The following SLC44A5 variants were observed in gnomAD, a reference collection of about 807,000 sequenced individuals.
SLC44A5 encodes the protein choline transporter-like protein 5.
Under a neutral mutation model 101.8 loss-of-function variants are expected in SLC44A5, and 57 were observed. That is an observed-to-expected ratio of 0.56 (90% CI 0.45 to 0.70). The LOEUF (loss-of-function observed/expected upper bound fraction) is 0.70. SLC44A5 is among the 30% of genes least tolerant of loss of function. The pLI is 0.00. For synonymous variants in SLC44A5, 281 were observed against 290.9 expected (o/e 0.97, Z 0.35); for missense variants, 737 against 853.1 (o/e 0.86, Z 1.70).
At chr1:75,711,982 A>G in the SLC44A5 span, among the ~76,000 whole-genome samples, 15 of 152,174 alleles carry the variant, frequency 9.9e-5, no homozygotes, top group Non-Finnish European at 1.5e-4. Context: ...CTAGTTCTGG[A>G]TTATGCTCTA....
the SLC44A5 span, among the ~76,000 whole-genome samples, chr1:75,645,349 GT>G: frequency 1.3e-5 from 2 of 152,072 alleles, no homozygotes; most frequent in African/African-American, 4.8e-5. Context: ...TCTCATTGTG[GT>G]TTTGATTTGC....
intron 1 of SLC44A5, among the ~76,000 whole-genome samples, chr1:75,608,414 T>C (rs1675453035): frequency 6.6e-6 from 1 of 151,834 alleles, no homozygotes; most frequent in Admixed American, 6.6e-5. Flanking sequence ...TAAAGAGTTA[T>C]TGCAAAAGAT....
chr1:75,213,751 A>T lies in SLC44A5; in HGVS notation c.1916T>A (p.Ile639Asn). ...FLFFTQRLPV[I>N]AQGPASLNYY... ...ATTTAAAGATGCTGGTCCTTGTGCA[A>T]TCACTGGCAGTCTTTGTGTGAAGAA... The change falls in exon 22 of 24, where the codon ATT (isoleucine) becomes AAT (asparagine). Residue 639 changes from isoleucine to asparagine, a missense_variant. By Grantham distance (149) the Ile-to-Asn change is moderately radical (BLOSUM62 -3). This residue lies in a region of SLC44A5 where 665 missense variants were observed against 764.4 expected (regional missense o/e 0.87). Coordinates refer to ENST00000370859, the MANE Select transcript of SLC44A5 (RefSeq NM_001130058.2). 1 of 1,613,234 alleles carries T rather than the reference A, an allele frequency of 6.2e-7. No individual in the cohort carries two copies. The highest frequency in any genetic ancestry group is 1.3e-5 in the African/African-American group (1 of 74,988).
chr1:75,659,493 G>GAAGGAAGGAAGGAAGA, the SLC44A5 span, among the ~76,000 whole-genome samples: 403 of 108,968 alleles, frequency 3.7e-3, 16 homozygotes, highest in East Asian at 0.017. Context: ...AGGAAGGAAG[G>GAAGGAAGGAAGGAAGA]CAGGCAGGCA....
At chr1:75,647,431 A>G in the SLC44A5 span, among the ~76,000 whole-genome samples, 4 of 152,200 alleles carry the variant, frequency 2.6e-5, no homozygotes, top group South Asian at 4.1e-4. Flanking sequence ...CAGAGCCCCA[A>G]TATAGAGTCC....
intron 2 of SLC44A5, among the ~76,000 whole-genome samples, chr1:75,526,203 C>A (rs1438052129): frequency 6.6e-6 from 1 of 152,208 alleles, no homozygotes; most frequent in Admixed American, 6.5e-5. Flanking sequence ...GTCCCCTCCA[C>A]CACAGACAGT....
chr1:75,720,754 G>A, the SLC44A5 span, among the ~76,000 whole-genome samples: 1 of 150,296 alleles, frequency 6.7e-6, no homozygotes, highest in Non-Finnish European at 1.5e-5. Context: ...TGGGGTGCAG[G>A]TTGGTTTTAT....
chr1:75,641,613 T>C, the SLC44A5 span: 1 of 1,501,624 alleles, frequency 6.7e-7, no homozygotes, highest in Non-Finnish European at 9.3e-7. Context: ...TTGGGATTAT[T>C]TGGGTCACGG....
intron 4 of SLC44A5, among the ~76,000 whole-genome samples, chr1:75,315,572 C>T (rs942013875): frequency 6.6e-6 from 1 of 152,132 alleles, no homozygotes; most frequent in Non-Finnish European, 1.5e-5. Flanking sequence ...TCCTTGTGGA[C>T]TGTTCTGTCT....
At chr1:75,325,761 T>C (rs1570680796) in intron 4 of SLC44A5, among the ~76,000 whole-genome samples, 1 of 1,370 alleles carries the variant, frequency 7.3e-4, no homozygotes, top group South Asian at 8.9e-3. Flanking sequence ...CATGCATGCG[T>C]GTGTGTGTGT....
chr1:75,289,498 A>T (rs1222107579), intron 5 of SLC44A5, among the ~76,000 whole-genome samples: 2 of 152,178 alleles, frequency 1.3e-5, no homozygotes, highest in African/African-American at 4.8e-5. Flanking sequence ...GCCCAGAAGT[A>T]CTCCATTCCC....
intron 4 of SLC44A5, among the ~76,000 whole-genome samples, chr1:75,313,463 A>C (rs1655458634): frequency 6.6e-6 from 1 of 152,202 alleles, no homozygotes; most frequent in South Asian, 2.1e-4. Context: ...TCTGCTGTGA[A>C]TGTAGTTAGC....
At chr1:75,246,425 T>C (rs1649112706) in intron 7 of SLC44A5, among the ~76,000 whole-genome samples, 2 of 152,122 alleles carry the variant, frequency 1.3e-5, no homozygotes, top group Admixed American at 6.6e-5. Flanking sequence ...ATTCATTTAA[T>C]AAATATTTAC....
intron 3 of SLC44A5, among the ~76,000 whole-genome samples, chr1:75,356,052 AAAATACAG>A (rs1278864467): frequency 6.6e-6 from 1 of 151,734 alleles, no homozygotes; most frequent in African/African-American, 2.4e-5. Flanking sequence ...TCTCTACAAA[AAAATACAG>A]AAATTAGCTG....
At position 75,242,024 on chromosome 1, in the gene SLC44A5, G is replaced by A; in HGVS notation, c.509C>T (p.Thr170Ile). Residue 170 changes from threonine to isoleucine, a missense_variant, in exon 9 of 24, where the codon ACA (threonine) becomes ATA (isoleucine). Physicochemically the swap from Thr to Ile is moderately conservative, Grantham distance 89 (BLOSUM62 -1). Coordinates refer to ENST00000370859, the MANE Select transcript of SLC44A5 (RefSeq NM_001130058.2). ...TQLLLDDDCPTAIFPSKPFLQ... is the reference protein window; with the variant it reads ...TQLLLDDDCPIAIFPSKPFLQ... ...ACAAGGTTTGCTGGGAAAAATCGCTGTTGGACAATCATCATCCAGTAAAAG... is the reference window on the plus strand; with the variant it reads ...ACAAGGTTTGCTGGGAAAAATCGCTATTGGACAATCATCATCCAGTAAAAG... The A allele has an allele frequency of 1.2e-6, 2 of 1,612,284 alleles. No individual in the cohort carries two copies. Among genetic ancestry groups the A allele is most frequent in the Non-Finnish European group, 1.7e-6 (2 of 1,178,868 alleles).
chr1:75,311,924 G>A (rs1402041832), intron 4 of SLC44A5, among the ~76,000 whole-genome samples: 2 of 152,126 alleles, frequency 1.3e-5, no homozygotes, highest in Admixed American at 6.5e-5. Context: ...TGAGACCAGG[G>A]TATGTCCTGG....
chr1:75,529,053 T>C (rs1008474302), intron 2 of SLC44A5, among the ~76,000 whole-genome samples: 5 of 152,214 alleles, frequency 3.3e-5, no homozygotes, highest in African/African-American at 1.2e-4. Context: ...CAACCCACTT[T>C]ATTCAGCAAG....
chr1:75,450,642 T>G (rs1665850994), intron 2 of SLC44A5, among the ~76,000 whole-genome samples: 1 of 152,162 alleles, frequency 6.6e-6, no homozygotes, highest in South Asian at 2.1e-4. Flanking sequence ...ACAGCCAGCT[T>G]GAAGACATGA....
chr1:75,243,218 C>T (rs182547672), intron 7 of SLC44A5, among the ~76,000 whole-genome samples: 1 of 152,114 alleles, frequency 6.6e-6, no homozygotes, highest in African/African-American at 2.4e-5. Context: ...CTCACTGCAG[C>T]CTCAACCTTT....
Sources: allele counts gnomAD v4.1 joint callset (sites outside exome capture counted in the v4.1 genomes callset), GRCh38; gene constraint gnomAD v4.1.1; regional missense constraint gnomAD v4.1.1; transcripts MANE v1.5; gene names NCBI Gene and HGNC (gene_info 2026-07-23, HGNC 2026-07-21).